Variants in IKBKB observed in about 807,000 individuals in gnomAD.
The protein encoded by IKBKB is inhibitor of nuclear factor kappa-B kinase subunit beta.
In IKBKB, 42 loss-of-function variants were observed where a neutral mutation model predicts 113.6. The ratio of observed to expected loss-of-function variants is 0.37; its 90% CI spans 0.29 to 0.48. IKBKB has a LOEUF of 0.48. Among genes scored for constraint, IKBKB ranks in the 20% least tolerant of loss-of-function variants. The pLI is 0.99. For missense variants in IKBKB, 673 were observed against 939.7 expected (o/e 0.72, Z 3.71); for synonymous variants, 296 against 361.3 (o/e 0.82, Z 2.05).
chr8:42,322,010 C>T, intron 17 of IKBKB, 44 bp from the exon 18 acceptor site: 1 of 1,606,434 alleles, frequency 6.2e-7, no homozygotes, highest in South Asian at 1.1e-5. Flanking sequence ...TCACTACTCT[C>T]TGCTGGCTTC....
chr8:42,331,307 G>A lies in IKBKB; in HGVS notation c.*328G>A. On this transcript the variant is annotated 3_prime_UTR_variant, in exon 22 of 22. Coordinates refer to ENST00000520810, the MANE Select transcript of IKBKB (RefSeq NM_001556.3). ...ATCGCTGGCCCCACAAACGTTCAGG[G>A]GTACAGCCATGGCAGCTCCTTCCTC... 1 of 702,482 alleles carries A rather than the reference G, an allele frequency of 1.4e-6. No homozygotes were observed. The highest frequency in any genetic ancestry group is 2.6e-6 in the Non-Finnish European group (1 of 385,070). The allele number at this position is 702,482 out of a possible 1,614,324, so 43.5% of individuals were successfully genotyped here.
At chr8:42,284,955 CA>C (rs1811124804) in intron 2 of IKBKB, among the ~76,000 whole-genome samples, 1 of 147,930 alleles carries the variant, frequency 6.8e-6, no homozygotes, top group East Asian at 2.1e-4. Context: ...CACCAGGGTT[CA>C]AGCGATTCTC....
At chr8:42,276,100 C>T (rs1809032943) in intron 2 of IKBKB, among the ~76,000 whole-genome samples, 1 of 152,184 alleles carries the variant, frequency 6.6e-6, no homozygotes, top group African/African-American at 2.4e-5. Flanking sequence ...CTCAGCCTCC[C>T]AACCTGCTGA....
At position 42,331,476 on chromosome 8, in the gene IKBKB, C is replaced by T. The variant is rs200484139; in HGVS notation, c.*497C>T. The stretch of plus-strand genomic sequence containing the variant: ...CTCCAAAGGCCCTGCTCCCTGTCCT[C>T]TCTCACTTTACAGCTTGTGTTTCTT... On this transcript the variant is annotated 3_prime_UTR_variant, in exon 22 of 22. Transcript: ENST00000520810. The T allele has an allele frequency of 2.9e-6, 2 of 693,796 alleles. No individual in the cohort carries two copies. The highest frequency in any genetic ancestry group is 2.6e-6 in the Non-Finnish European group (1 of 380,184). The allele number at this position is 693,796 out of a possible 1,614,324, so 43.0% of individuals were successfully genotyped here.
intron 16 of IKBKB, 163 bp downstream of exon 16, chr8:42,321,007 C>T: frequency 2.0e-6 from 1 of 510,692 alleles, no homozygotes; most frequent in Non-Finnish European, 3.4e-6. Context: ...GCTTCAGTTT[C>T]CAAATCTGTT....
rs1285987849 is a variant in IKBKB, at chr8:42,327,806, A to ATTTTTTTTTTT, written c.2115-1313_2115-1303dup. 1.6e-3 allele frequency among the ~76,000 whole-genome samples: 23 copies of ATTTTTTTTTTT among 14,672 alleles called. 7 individuals are homozygous for ATTTTTTTTTTT. Among genetic ancestry groups the ATTTTTTTTTTT allele is most frequent in the African/African-American group, 2.7e-3 (21 of 7,904 alleles). The allele number at this position is 14,672 out of a possible 152,430, so 9.6% of individuals were successfully genotyped here. On this transcript the variant is annotated intron_variant, in intron 20 of 21. Transcript: ENST00000520810. ...AGCCACCAGGCCTGGCTAATTTTGT[A>ATTTTTTTTTTT]TTTTTTTTTTTTTTTGAGACGGAGT...
chr8:42,294,391 A>G (rs1047207133), intron 5 of IKBKB, among the ~76,000 whole-genome samples: 1 of 152,192 alleles, frequency 6.6e-6, no homozygotes, highest in Admixed American at 6.5e-5. Context: ...TAGTACAGCA[A>G]AACTCACATA....
chr8:42,316,972 T>C lies in IKBKB; in HGVS notation c.1125+68T>C. ...GTGCCTCCTGGGAAACTCAACACAC[T>C]TTCAGATTTCAATTCTGCTTTGTCA... is the stretch of plus-strand genomic sequence containing the variant. On this transcript the variant is annotated intron_variant, in intron 11 of 21. Transcript: ENST00000520810. The surrounding 1 kb of genome is among the most constrained non-coding windows in gnomAD (Gnocchi z 4.5). The C allele has an allele frequency of 7.2e-7, 1 of 1,388,270 alleles. No individual in the cohort carries two copies. The highest frequency in any genetic ancestry group is 1.0e-6 in the Non-Finnish European group (1 of 990,676). The allele number at this position is 1,388,270 out of a possible 1,614,324, so 86.0% of individuals were successfully genotyped here. A position where few individuals can be genotyped will look rare whatever the true frequency, so the allele number is the denominator to read the frequency against.
chr8:42,303,625 C>T (rs1349528008), intron 5 of IKBKB, among the ~76,000 whole-genome samples: 1 of 152,026 alleles, frequency 6.6e-6, no homozygotes, highest in African/African-American at 2.4e-5. Flanking sequence ...CTGCCTCAGC[C>T]TCCCGAGTAG....
At position 42,274,786 on chromosome 8, in the gene IKBKB, G is replaced by GCCCCCCCCCCCCCCCCCCCCCCCCCCC. The variant is rs1224930652; in HGVS notation, c.105+2596_105+2597insCCCCCCCCCCCCCCCCCCCCCCCCCCC. ...GAACTTAGGTGATCCCCGCCGGCGCGCCCCCCCCCCCCCCCGCCATCCCAG... is the reference window on the plus strand; with the variant it reads ...GAACTTAGGTGATCCCCGCCGGCGCGCCCCCCCCCCCCCCCCCCCCCCCCCCCCCCCCCCCCCCCCCCGCCATCCCAG... On this transcript the variant is annotated intron_variant, in intron 2 of 21. Coordinates refer to ENST00000520810, the MANE Select transcript of IKBKB (RefSeq NM_001556.3). Among the ~76,000 whole-genome samples the GCCCCCCCCCCCCCCCCCCCCCCCCCCC allele has an allele frequency of 3.6e-4, 2 of 5,538 alleles. 1 individual carries two copies. Among genetic ancestry groups the GCCCCCCCCCCCCCCCCCCCCCCCCCCC allele is most frequent in the Non-Finnish European group, 6.2e-4 (2 of 3,246 alleles). 3.6% of individuals were successfully genotyped at this position (5,538 alleles called of 152,430 possible).
chr8:42,319,308 T>C lies in IKBKB; in HGVS notation c.1403T>C (p.Met468Thr), dbSNP rs1819319571. 1 of 1,614,162 alleles carries C rather than the reference T, an allele frequency of 6.2e-7. No homozygotes were observed. Among genetic ancestry groups the C allele is most frequent in the East Asian group, 2.2e-5 (1 of 44,886 alleles). ...CGAAACAACAGCTGCCTCTCCAAAATGAAGAATTCCATGGCTTCCATGTCT... is the reference window on the plus strand; with the variant it reads ...CGAAACAACAGCTGCCTCTCCAAAACGAAGAATTCCATGGCTTCCATGTCT... ...LLRNNSCLSKMKNSMASMSQQ... is the reference protein window; with the variant it reads ...LLRNNSCLSKTKNSMASMSQQ... The change falls in exon 14 of 22, where the codon ATG (methionine) becomes ACG (threonine). Residue 468 changes from methionine to threonine, a missense_variant. Around this residue, in one of 2 missense-constraint regions of IKBKB, gnomAD observed 506 missense variants for 638.7 expected, o/e 0.79. Transcript: ENST00000520810.
intron 12 of IKBKB, among the ~76,000 whole-genome samples, chr8:42,318,318 A>C (rs12334451): frequency 0.01 from 1,565 of 152,228 alleles, 26 homozygotes; most frequent in African/African-American, 0.036. Context: ...ATATGTGTCC[A>C]ATGGTTCGTA....
At chr8:42,317,158 T>C in intron 11 of IKBKB, 1 of 519,404 alleles carries the variant, frequency 1.9e-6, no homozygotes, top group Non-Finnish European at 3.5e-6. Flanking sequence ...AAAATGATGC[T>C]ATAACACTCG....
Position 42,272,117 on chromosome 8 carries a change from C to T in IKBKB, c.17C>T (p.Ser6Phe), listed in dbSNP as rs1585485440. Reference sequence around the variant, plus strand: ...GACATCAGTATGAGCTGGTCACCTTCCCTGACAACGCAGACATGTGGGGCC... The same window carrying T: ...GACATCAGTATGAGCTGGTCACCTTTCCTGACAACGCAGACATGTGGGGCC... MSWSP[S>F]LTTQTCGAWE... Residue 6 changes from serine (S) to phenylalanine (F), a missense_variant, in exon 2 of 22, where the codon TCC becomes TTC. Physicochemically the swap from Ser to Phe is radical, Grantham distance 155. Coordinates refer to ENST00000520810, the MANE Select transcript of IKBKB (RefSeq NM_001556.3). 1 of 1,614,200 alleles carries T rather than the reference C, an allele frequency of 6.2e-7. No homozygotes were observed. The highest frequency in any genetic ancestry group is 2.2e-5 in the East Asian group (1 of 44,884).
chr8:42,290,852 TC>T (rs1360291878), intron 4 of IKBKB, among the ~76,000 whole-genome samples: 2 of 152,190 alleles, frequency 1.3e-5, no homozygotes, highest in Non-Finnish European at 2.9e-5. Context: ...CACCTCCTCT[TC>T]CCTAGAATGT....
At chr8:42,308,880 T>A (rs764877123) in intron 7 of IKBKB, 21 bp from the exon 8 acceptor site, 3 of 1,612,506 alleles carry the variant, frequency 1.9e-6, no homozygotes, top group Non-Finnish European at 2.5e-6. Flanking sequence ...AGCTCAGGTG[T>A]ACCCCCTCCT....
rs555347224 is a variant in IKBKB at position 42,320,750 on chromosome 8, C to T, written c.1594C>T (p.Leu532Phe). Residue 532 changes from leucine (L) to phenylalanine (F), a missense_variant, in exon 16 of 22, where the codon CTC becomes TTC. Coordinates refer to ENST00000520810, the MANE Select transcript of IKBKB (RefSeq NM_001556.3). ...ELCGRENEVK[L>F]LVERMMALQT... ...TTTCCATTAGGAGAACGAAGTGAAACTCCTGGTAGAACGGATGATGGCTCT... is the reference window on the plus strand; with the variant it reads ...TTTCCATTAGGAGAACGAAGTGAAATTCCTGGTAGAACGGATGATGGCTCT... 1 of 1,613,168 alleles carries T rather than the reference C, an allele frequency of 6.2e-7. No individual in the cohort carries two copies. Among genetic ancestry groups the T allele is most frequent in the South Asian group, 1.1e-5 (1 of 91,038 alleles).
intron 5 of IKBKB, among the ~76,000 whole-genome samples, chr8:42,297,223 T>A (rs376285189): frequency 6.6e-6 from 1 of 152,356 alleles, no homozygotes. Context: ...GTATTCTAAA[T>A]CCATTAAATT....
rs1271556740 is a variant in IKBKB at position 42,331,517 on chromosome 8, C to G, written c.*538C>G. 7 of 646,710 alleles carry G rather than the reference C, an allele frequency of 1.1e-5. No homozygotes were observed. Among genetic ancestry groups the G allele is most frequent in the Admixed American group, 4.7e-5 (2 of 42,320 alleles). 40.1% of individuals were successfully genotyped at this position (646,710 alleles called of 1,614,324 possible). Reference sequence around the variant, plus strand: ...TGTGTTTCTTCTGGATTCAGCTTCTCCTAAACAGACAGTTTAATTATAGTT... The same window carrying G: ...TGTGTTTCTTCTGGATTCAGCTTCTGCTAAACAGACAGTTTAATTATAGTT... On this transcript the variant is annotated 3_prime_UTR_variant, in exon 22 of 22. Coordinates refer to ENST00000520810, the MANE Select transcript of IKBKB (RefSeq NM_001556.3).
Sources: gnomAD v4.1 joint callset for allele counts (sites outside exome capture counted in the v4.1 genomes callset) on GRCh38, gnomAD v4.1.1 for gene constraint, gnomAD v4.1.1 regional missense constraint, Gnocchi (gnomAD v3.1) non-coding constraint, MANE v1.5 for transcripts, NCBI Gene and HGNC (gene_info 2026-07-23, HGNC 2026-07-21) for gene names.